Variants in RPGRIP1 observed in about 807,000 individuals in gnomAD.
RPGRIP1 encodes the protein RPGR interacting protein 1.
Under a neutral mutation model 157.9 loss-of-function variants are expected in RPGRIP1, and 128 were observed. The observed-to-expected ratio is 0.81, with a 90% CI of 0.70 to 0.94. RPGRIP1 has a LOEUF of 0.94. Among genes scored for constraint, RPGRIP1 ranks in the 40% least tolerant of loss-of-function variants. The pLI is 0.00. For missense variants in RPGRIP1, 1,486 were observed against 1,545.8 expected, an observed-to-expected ratio of 0.96 and a Z score of 0.65; for synonymous variants, 554 against 571.6, an observed-to-expected ratio of 0.97 and a Z score of 0.44.
intron 21 of RPGRIP1, among the ~76,000 whole-genome samples, chr14:21,339,392 G>A (rs530852149): frequency 1.3e-5 from 2 of 152,262 alleles, no homozygotes; most frequent in South Asian, 4.1e-4. Flanking sequence ...GTTGCAGTGA[G>A]CCGAGATGGT....
intron 3 of RPGRIP1, among the ~76,000 whole-genome samples, chr14:21,298,099 C>T (rs953058196): frequency 6.6e-6 from 1 of 152,008 alleles, no homozygotes; most frequent in African/African-American, 2.4e-5. Context: ...GGCAGTGACA[C>T]TAATTTTGTC....
intron 1 of RPGRIP1, among the ~76,000 whole-genome samples, chr14:21,283,709 G>A (rs967731819): frequency 5.3e-5 from 8 of 151,574 alleles, no homozygotes; most frequent in Non-Finnish European, 7.4e-5. Context: ...CTGGAGTGGA[G>A]TGCAGTGGCA....
intron 21 of RPGRIP1, among the ~76,000 whole-genome samples, chr14:21,338,059 G>T (rs1884577599): frequency 6.6e-6 from 1 of 152,124 alleles, no homozygotes; most frequent in African/African-American, 2.4e-5. Flanking sequence ...TGGGACTACA[G>T]GCGCACGCCA....
At chr14:21,341,946 A>G (rs1272261473) in intron 21 of RPGRIP1, among the ~76,000 whole-genome samples, 2 of 151,506 alleles carry the variant, frequency 1.3e-5, no homozygotes, top group East Asian at 3.9e-4. Context: ...GCTACTCGGG[A>G]GGCTGAGGCA....
intron 6 of RPGRIP1, among the ~76,000 whole-genome samples, chr14:21,305,264 G>C (rs1184972282): frequency 6.6e-6 from 1 of 152,148 alleles, no homozygotes; most frequent in Non-Finnish European, 1.5e-5. Flanking sequence ...ACTGTCTCCA[G>C]TTTTGCCTCT....
chr14:21,301,327 C>G lies in RPGRIP1; in HGVS notation c.490+90C>G, dbSNP rs971651638. ...GTTTTCCTCACTGCCTTCTTCTGCC[C>G]ACCACCCCATTTTGTTCTTTTGTTC... is the stretch of plus-strand genomic sequence containing the variant. On this transcript the variant is annotated intron_variant, in intron 4 of 24. Coordinates refer to ENST00000400017, the MANE Select transcript of RPGRIP1 (RefSeq NM_020366.4). The G allele has an allele frequency of 9.2e-5, 124 of 1,352,878 alleles. 1 individual carries two copies. Among genetic ancestry groups the G allele is most frequent in the East Asian group, 2.8e-4 (11 of 39,020 alleles). 83.8% of individuals were successfully genotyped at this position (1,352,878 alleles called of 1,614,324 possible).
At chr14:21,324,361 T>A (rs1882821318) in intron 14 of RPGRIP1, 1 of 543,274 alleles carries the variant, frequency 1.8e-6, no homozygotes, top group Admixed American at 3.1e-5. Flanking sequence ...CCCCAGTGTT[T>A]TCCTAAGTTT....
At chr14:21,345,685 G>A (rs535975238) in intron 23 of RPGRIP1, among the ~76,000 whole-genome samples, 13 of 152,250 alleles carry the variant, frequency 8.5e-5, no homozygotes, top group Admixed American at 4.6e-4. Flanking sequence ...GATTACAGGC[G>A]TGAGCCACCG....
chr14:21,313,472 A>G (rs1881630343), intron 10 of RPGRIP1, among the ~76,000 whole-genome samples: 2 of 152,150 alleles, frequency 1.3e-5, no homozygotes, highest in East Asian at 3.8e-4. Context: ...CATCCTCACA[A>G]TGAAGTGCTA....
chr14:21,316,638 G>A (rs144259722), intron 10 of RPGRIP1, among the ~76,000 whole-genome samples: 1,772 of 152,032 alleles, frequency 0.012, 14 homozygotes, highest in Middle Eastern at 0.041. Flanking sequence ...GGCTGGTCTC[G>A]AAGTCCTGAC....
At chr14:21,317,927 C>A in intron 11 of RPGRIP1, 77 bp downstream of exon 11, 1 of 1,272,274 alleles carries the variant, frequency 7.9e-7, no homozygotes, top group Non-Finnish European at 1.1e-6. Context: ...CTTGAGCCAT[C>A]ATTTCTTTAA....
chr14:21,336,008 T>C (rs1426967771), intron 21 of RPGRIP1, among the ~76,000 whole-genome samples: 3 of 152,206 alleles, frequency 2.0e-5, no homozygotes, highest in African/African-American at 7.2e-5. Context: ...ATGAACTTCA[T>C]TAGAAACATT....
At chr14:21,327,589 G>C (rs1207442309) in intron 17 of RPGRIP1, 34 bp from the exon 18 acceptor site, 1 of 1,587,770 alleles carries the variant, frequency 6.3e-7, no homozygotes, top group Non-Finnish European at 8.6e-7. Context: ...TATTTCATGT[G>C]ATCAGGTCTT....
At chr14:21,337,104 C>T (rs937620814) in intron 21 of RPGRIP1, among the ~76,000 whole-genome samples, 3 of 152,262 alleles carry the variant, frequency 2.0e-5, no homozygotes, top group Admixed American at 6.5e-5. Context: ...AGTTCTGTCA[C>T]TCTTCTGCCT....
rs764623168 is a variant in RPGRIP1 at position 21,348,162 on chromosome 14, TTC to T, written c.3618-8_3618-7del. The T allele has an allele frequency of 1.3e-6, 2 of 1,561,148 alleles. No individual in the cohort carries two copies. The highest frequency in any genetic ancestry group is 1.7e-6 in the Non-Finnish European group (2 of 1,155,452). On this transcript the variant is annotated splice_region_variant and splice_polypyrimidine_tract_variant and intron_variant, in intron 23 of 24. Coordinates refer to ENST00000400017, the MANE Select transcript of RPGRIP1 (RefSeq NM_020366.4). Reference sequence around the variant, plus strand: ...TCAACAGTGCTGAATTAAATGCAATTTCTTTTTAGTTTAAAGTTTACAGTGGT... The same window carrying T: ...TCAACAGTGCTGAATTAAATGCAATTTTTTTAGTTTAAAGTTTACAGTGGT...
At chr14:21,308,752 G>A (rs1388900043) in intron 7 of RPGRIP1, among the ~76,000 whole-genome samples, 3 of 152,186 alleles carry the variant, frequency 2.0e-5, no homozygotes, top group African/African-American at 7.2e-5. Context: ...AGCAGAGAGG[G>A]GAGACCTCAT....
Position 21,320,130 on chromosome 14 carries a change from G to T in RPGRIP1, c.1420G>T (p.Glu474Ter). ...TISQPPDRQS[E>*]PATHPAVLQE... The stretch of plus-strand genomic sequence containing the variant: ...TTCCCAACCTCCTGACAGGCAATCT[G>T]AACCAGCCACTCACCCAGCTGTATT... The change falls in exon 12 of 25, where the codon GAA becomes TAA. Residue 474 changes from glutamate to a stop codon, truncating the protein, a stop_gained. Transcript: ENST00000400017. LOFTEE classifies it high-confidence loss of function. 6.2e-7 allele frequency: 1 copy of T among 1,613,840 alleles called. No individual in the cohort carries two copies. Among genetic ancestry groups the T allele is most frequent in the South Asian group, 1.1e-5 (1 of 91,064 alleles).
intron 2 of RPGRIP1, 97 bp from the exon 3 acceptor site, chr14:21,294,580 A>T: frequency 8.1e-7 from 1 of 1,229,518 alleles, no homozygotes; most frequent in Non-Finnish European, 1.2e-6. Flanking sequence ...GACTCAAGAT[A>T]GATTTATGCT....
At chr14:21,341,056 T>C (rs1884950020) in intron 21 of RPGRIP1, among the ~76,000 whole-genome samples, 1 of 152,132 alleles carries the variant, frequency 6.6e-6, no homozygotes, top group Admixed American at 6.5e-5. Flanking sequence ...TTTGTTTGTT[T>C]GTTTTTTGAG....
Sources: allele counts gnomAD v4.1 joint callset (sites outside exome capture counted in the v4.1 genomes callset), GRCh38; gene constraint gnomAD v4.1.1; transcripts MANE v1.5; gene names NCBI Gene and HGNC (gene_info 2026-07-23, HGNC 2026-07-21).